Variants in ATP8A1 observed in about 807,000 individuals in gnomAD.
ATP8A1 encodes phospholipid-transporting ATPase IA.
ATP8A1 carries 90 observed loss-of-function variants against 177.7 expected under a neutral mutation model. That is an observed-to-expected ratio of 0.51 (90% confidence interval 0.43 to 0.60). The LOEUF (loss-of-function observed/expected upper bound fraction) is 0.60, where lower values mean the gene tolerates loss of function less well. Ranked by LOEUF, ATP8A1 falls within the 20% of genes least tolerant of loss-of-function variation. The pLI, the probability that ATP8A1 is intolerant of heterozygous loss-of-function variation, is 0.00. For synonymous variants in ATP8A1, 493 were observed against 485.9 expected, an observed-to-expected ratio of 1.01 and a Z score of -0.19; for missense variants, 1,072 against 1,392.8, an observed-to-expected ratio of 0.77 and a Z score of 3.67.
At chr4:42,418,483 T>C (rs768130957) in intron 35 of ATP8A1, among the ~76,000 whole-genome samples, 7 of 152,328 alleles carry the variant, frequency 4.6e-5, no homozygotes, top group South Asian at 2.1e-4. Context: ...GGTTTAAATG[T>C]TCAGGACTAA....
chr4:42,500,431 G>A (rs561698093), intron 24 of ATP8A1, among the ~76,000 whole-genome samples: 2 of 151,564 alleles, frequency 1.3e-5, no homozygotes, highest in African/African-American at 4.9e-5. Context: ...ATCTCATATT[G>A]AGAACACAAT....
chr4:42,616,102 C>T (rs1346771528), intron 4 of ATP8A1, 24 bp from the exon 5 acceptor site: 2 of 1,602,788 alleles, frequency 1.2e-6, no homozygotes, highest in African/African-American at 2.7e-5. Context: ...GCAAAAAGAA[C>T]AACTGTGAAA....
intron 35 of ATP8A1, 36 bp from the exon 36 acceptor site, chr4:42,414,754 C>G: frequency 2.6e-6 from 4 of 1,550,444 alleles, no homozygotes; most frequent in Non-Finnish European, 3.6e-6. Context: ...AATGAATTAT[C>G]AACTCGGCAG....
chr4:42,596,648 C>T (rs1734743049), intron 6 of ATP8A1, among the ~76,000 whole-genome samples: 1 of 120,944 alleles, frequency 8.3e-6, no homozygotes. Context: ...ACCTGGGCAA[C>T]AGAGCGAGAC....
chr4:42,592,032 C>G (rs1173104150), intron 6 of ATP8A1, among the ~76,000 whole-genome samples: 1 of 152,044 alleles, frequency 6.6e-6, no homozygotes, highest in Non-Finnish European at 1.5e-5. Flanking sequence ...CAACTACTAC[C>G]TATTTCATGA....
intron 22 of ATP8A1, among the ~76,000 whole-genome samples, chr4:42,508,648 T>C (rs1162465403): frequency 6.6e-6 from 1 of 152,246 alleles, no homozygotes; most frequent in Non-Finnish European, 1.5e-5. Flanking sequence ...GCTAGCTGGG[T>C]ACCCTTCTTA....
At chr4:42,449,055 C>T (rs971619194) in intron 30 of ATP8A1, among the ~76,000 whole-genome samples, 12 of 151,866 alleles carry the variant, frequency 7.9e-5, no homozygotes, top group Admixed American at 5.2e-4. Context: ...AGGCTGGTCT[C>T]GAACTCCTGA....
intron 19 of ATP8A1, among the ~76,000 whole-genome samples, chr4:42,547,249 C>G (rs936498611): frequency 6.6e-6 from 1 of 152,190 alleles, no homozygotes; most frequent in Non-Finnish European, 1.5e-5. Context: ...AGACCCTCAC[C>G]CCTTCCTCGT....
At chr4:42,616,482 T>C (rs1736927775) in intron 4 of ATP8A1, among the ~76,000 whole-genome samples, 1 of 152,226 alleles carries the variant, frequency 6.6e-6, no homozygotes, top group Admixed American at 6.5e-5. Flanking sequence ...TAACTACTGT[T>C]TAATAATAGT....
chr4:42,541,765 C>T (rs1728410326), intron 20 of ATP8A1, among the ~76,000 whole-genome samples: 1 of 152,060 alleles, frequency 6.6e-6, no homozygotes, highest in African/African-American at 2.4e-5. Context: ...GAGGCCAGTC[C>T]AGAAAGGCTA....
intron 25 of ATP8A1, among the ~76,000 whole-genome samples, chr4:42,484,697 T>G (rs1264985086): frequency 1.3e-5 from 2 of 152,306 alleles, no homozygotes; most frequent in East Asian, 3.9e-4. Flanking sequence ...TGAGAAATCT[T>G]TCAGAATCTC....
rs1012959581 is a variant in ATP8A1, at chr4:42,468,438, C to G, written c.2325-3362G>C. ...ATATTTTATATATTTTATACACACA[C>G]ACACACACACACACAGACACACACA... On this transcript the variant is annotated intron_variant, in intron 25 of 36. Coordinates refer to ENST00000381668, the MANE Select transcript of ATP8A1 (RefSeq NM_006095.2). 7.9e-5 allele frequency among the ~76,000 whole-genome samples: 12 copies of G among 151,586 alleles called. No individual in the cohort carries two copies. In the East Asian group the frequency reaches 2.3e-3, roughly 29 times the overall value.
intron 25 of ATP8A1, among the ~76,000 whole-genome samples, chr4:42,469,724 C>T (rs1400272275): frequency 6.6e-6 from 1 of 152,090 alleles, no homozygotes; most frequent in Admixed American, 6.6e-5. Context: ...TTTAACTTCA[C>T]ACTCAAAATT....
intron 24 of ATP8A1, among the ~76,000 whole-genome samples, chr4:42,491,863 AC>A (rs781544880): frequency 2.0e-5 from 3 of 152,088 alleles, no homozygotes; most frequent in Non-Finnish European, 4.4e-5. Context: ...TCCAAGCAAC[AC>A]CCTAGTAGAG....
intron 17 of ATP8A1, among the ~76,000 whole-genome samples, chr4:42,552,238 T>A (rs1729575024): frequency 6.6e-6 from 1 of 152,220 alleles, no homozygotes; most frequent in Non-Finnish European, 1.5e-5. Context: ...TATGTGTATG[T>A]AAAAAAGTAC....
chr4:42,543,265 T>C (rs1728587144), intron 20 of ATP8A1, among the ~76,000 whole-genome samples: 1 of 152,128 alleles, frequency 6.6e-6, no homozygotes, highest in Admixed American at 6.6e-5. Context: ...AAAATAGGAA[T>C]GTTCCAAGTT....
chr4:42,574,801 G>A, intron 13 of ATP8A1, 94 bp from the exon 14 acceptor site: 2 of 777,632 alleles, frequency 2.6e-6, no homozygotes, highest in Non-Finnish European at 4.1e-6. Context: ...AACATTGCAG[G>A]GGCACAATGA....
intron 30 of ATP8A1, among the ~76,000 whole-genome samples, chr4:42,448,412 T>TTTTTTTTTTTTTTTTTTTTTG (rs1180451200): frequency 1.4e-5 from 2 of 138,780 alleles, no homozygotes; most frequent in African/African-American, 5.3e-5. Context: ...TTTTTTTTTT[T>TTTTTTTTTTTTTTTTTTTTTG]TTTGAGATGG....
intron 23 of ATP8A1, among the ~76,000 whole-genome samples, chr4:42,504,968 T>C (rs1466574373): frequency 6.6e-6 from 1 of 152,228 alleles, no homozygotes; most frequent in African/African-American, 2.4e-5. Flanking sequence ...TCTCCTCTTT[T>C]AGGTTGTTCC....
Sources: gnomAD v4.1 joint callset for allele counts (sites outside exome capture counted in the v4.1 genomes callset) on GRCh38, gnomAD v4.1.1 for gene constraint, MANE v1.5 for transcripts, NCBI Gene and HGNC (gene_info 2026-07-23, HGNC 2026-07-21) for gene names.